Variants in MAGI2 observed in about 807,000 individuals in gnomAD.
MAGI2 encodes the protein membrane-associated guanylate kinase, WW and PDZ domain-containing protein 2.
Under a neutral mutation model 133.3 loss-of-function variants are expected in MAGI2, and 35 were observed. The ratio of observed to expected loss-of-function variants is 0.26; its 90% confidence interval spans 0.20 to 0.35. MAGI2 has a LOEUF of 0.35. MAGI2 is among the 10% of genes least tolerant of loss of function. MAGI2 has a pLI of 1.00. For missense variants in MAGI2, 1,636 were observed against 1,863.4 expected (o/e 0.88, Z 2.25); for synonymous variants, 729 against 710.6 (o/e 1.03, Z -0.41).
chr7:79,375,584 A>T (rs955679505), intron 1 of MAGI2, among the ~76,000 whole-genome samples: 38 of 126,562 alleles, frequency 3.0e-4, no homozygotes, highest in African/African-American at 1.4e-3. Context: ...GTTTACACAC[A>T]TTAGCCCATT....
chr7:78,610,340 T>C (rs1185508704), intron 3 of MAGI2, among the ~76,000 whole-genome samples: 1 of 152,194 alleles, frequency 6.6e-6, no homozygotes, highest in Non-Finnish European at 1.5e-5. Context: ...TAGTGACTGC[T>C]TGTGGCAGAG....
At chr7:79,121,565 C>A (rs990356944) in intron 1 of MAGI2, among the ~76,000 whole-genome samples, 2 of 152,038 alleles carry the variant, frequency 1.3e-5, no homozygotes, top group Admixed American at 6.6e-5. Flanking sequence ...AGTGGGATGA[C>A]CCCCAGCTAC....
chr7:79,171,549 T>C (rs1825545331), intron 1 of MAGI2, among the ~76,000 whole-genome samples: 1 of 151,162 alleles, frequency 6.6e-6, no homozygotes, highest in Non-Finnish European at 1.5e-5. Flanking sequence ...CCTCAAAAAT[T>C]AGTGGAATAA....
Position 78,019,839 on chromosome 7 carries a change from G to A in MAGI2, c.3844C>T (p.Pro1282Ser). Residue 1282 changes from proline (P) to serine (S), a missense_variant, in exon 22 of 22, where the codon CCA becomes TCA. Physicochemically the swap from Pro to Ser is moderately conservative, Grantham distance 74. This residue lies in a region of MAGI2 where 354 missense variants were observed against 298.7 expected (regional missense o/e 1.19). Transcript: ENST00000354212. ...PPSDPSHQIS[P>S]GPTWDIKREH... ...CGTTTGATATCCCAAGTTGGGCCTG[G>A]GCTTATCTGGTGGGAAGGGTCGGAG... The A allele has an allele frequency of 6.2e-7, 1 of 1,613,590 alleles. No homozygotes were observed. The highest frequency in any genetic ancestry group is 8.5e-7 in the Non-Finnish European group (1 of 1,179,936).
intron 2 of MAGI2, among the ~76,000 whole-genome samples, chr7:78,913,806 A>AT (rs906198935): frequency 1.3e-5 from 2 of 152,146 alleles, no homozygotes; most frequent in Non-Finnish European, 2.9e-5. Context: ...GACAAAGGAC[A>AT]TTTTTTTAAA....
At chr7:78,839,925 C>T (rs760781128) in intron 2 of MAGI2, among the ~76,000 whole-genome samples, 1 of 152,088 alleles carries the variant, frequency 6.6e-6, no homozygotes, top group Non-Finnish European at 1.5e-5. Context: ...TAGTTTATGC[C>T]ATAATTGTCA....
chr7:78,270,232 T>C (rs1217365040), intron 9 of MAGI2, among the ~76,000 whole-genome samples: 3 of 152,168 alleles, frequency 2.0e-5, no homozygotes, highest in Non-Finnish European at 2.9e-5. Context: ...TTGCTTAGGA[T>C]TGTCTTGGCT....
intron 2 of MAGI2, among the ~76,000 whole-genome samples, chr7:79,001,288 G>A (rs942967742): frequency 2.0e-5 from 3 of 152,082 alleles, no homozygotes; most frequent in Admixed American, 1.3e-4. Flanking sequence ...GGTATACACT[G>A]GTATTTGTTC....
chr7:79,209,805 A>T (rs546666568), intron 1 of MAGI2, among the ~76,000 whole-genome samples: 24 of 152,088 alleles, frequency 1.6e-4, no homozygotes, highest in Non-Finnish European at 2.6e-4. Flanking sequence ...TTTAATATTT[A>T]TCTCCTCTAT....
intron 9 of MAGI2, among the ~76,000 whole-genome samples, chr7:78,311,084 A>T (rs145853359): frequency 6.6e-6 from 1 of 152,218 alleles, no homozygotes; most frequent in Admixed American, 6.5e-5. Flanking sequence ...TAGTATATCA[A>T]ATTTACTGAT....
Position 78,297,860 on chromosome 7 carries a change from A to C in MAGI2, c.1409-41279T>G, listed in dbSNP as rs553955644. 2.9e-3 allele frequency among the ~76,000 whole-genome samples: 409 copies of C among 142,810 alleles called. 2 individuals carry two copies. Among genetic ancestry groups the C allele is most frequent in the Non-Finnish European group, 4.9e-3 (317 of 65,130 alleles). The allele number at this position is 142,810 out of a possible 152,430, so 93.7% of individuals were successfully genotyped here. ...GGGGGGAGGGGGAGGGGGGAGGGAT[A>C]GCATTGGGAGATACACCTAATGCTA... On this transcript the variant is annotated intron_variant, in intron 9 of 21. Coordinates refer to ENST00000354212, the MANE Select transcript of MAGI2 (RefSeq NM_012301.4).
At chr7:78,783,717 C>G (rs573097108) in intron 2 of MAGI2, among the ~76,000 whole-genome samples, 1 of 152,320 alleles carries the variant, frequency 6.6e-6, no homozygotes, top group South Asian at 2.1e-4. Context: ...CAAGCAACCA[C>G]ATCCACCAGT....
chr7:79,250,783 G>A (rs567486787), intron 1 of MAGI2, among the ~76,000 whole-genome samples: 24 of 152,222 alleles, frequency 1.6e-4, no homozygotes, highest in African/African-American at 5.8e-4. Flanking sequence ...ACCTAGAATA[G>A]TCAAAGCTAT....
At chr7:79,265,789 T>G (rs1834417139) in intron 1 of MAGI2, among the ~76,000 whole-genome samples, 1 of 152,140 alleles carries the variant, frequency 6.6e-6, no homozygotes, top group Non-Finnish European at 1.5e-5. Context: ...AAGGACATTA[T>G]TATATGCTGA....
At chr7:79,259,367 CAG>C (rs1368446619) in intron 1 of MAGI2, among the ~76,000 whole-genome samples, 2 of 152,134 alleles carry the variant, frequency 1.3e-5, no homozygotes, top group African/African-American at 4.8e-5. Flanking sequence ...ACAAATCACA[CAG>C]AACTCTCTCT....
intron 7 of MAGI2, chr7:78,348,345 T>C (rs1266282705): frequency 6.6e-6 from 1 of 152,204 alleles, no homozygotes; most frequent in Non-Finnish European, 1.5e-5. Flanking sequence ...GAGAATTGTT[T>C]ACAATGTTTA....
chr7:79,175,463 A>T (rs1201509220), intron 1 of MAGI2, among the ~76,000 whole-genome samples: 1 of 151,938 alleles, frequency 6.6e-6, no homozygotes, highest in Non-Finnish European at 1.5e-5. Context: ...AATGGTTTCA[A>T]ATTAAAACAT....
chr7:78,631,448 A>G (rs1167618852), intron 2 of MAGI2, among the ~76,000 whole-genome samples: 2 of 152,070 alleles, frequency 1.3e-5, no homozygotes, highest in African/African-American at 2.4e-5. Context: ...GCTCTTCCTG[A>G]TGAGCCCTGG....
chr7:79,044,501 A>T (rs1811988218), intron 1 of MAGI2, among the ~76,000 whole-genome samples: 1 of 152,168 alleles, frequency 6.6e-6, no homozygotes, highest in Non-Finnish European at 1.5e-5. Flanking sequence ...AGTTGAAAGC[A>T]TTTACCTTGA....
Sources: gnomAD v4.1 joint callset for allele counts (sites outside exome capture counted in the v4.1 genomes callset) on GRCh38, gnomAD v4.1.1 for gene constraint, gnomAD v4.1.1 regional missense constraint, MANE v1.5 for transcripts, NCBI Gene and HGNC (gene_info 2026-07-23, HGNC 2026-07-21) for gene names.